CPNE8: variants seen among roughly 807,000 people sequenced by gnomAD.
CPNE8 encodes the protein copine 8, also known as copine-8.
A neutral mutation model predicts 81.5 loss-of-function variants in CPNE8; 45 were observed. That is an observed-to-expected ratio of 0.55 (90% CI 0.44 to 0.71). The LOEUF is 0.71. CPNE8 is among the 30% of genes least tolerant of loss of function. The pLI is 0.00. For missense variants in CPNE8, 594 were observed against 672.1 expected, an observed-to-expected ratio of 0.88 and a Z score of 1.28; for synonymous variants, 252 against 226.3, an observed-to-expected ratio of 1.11 and a Z score of -1.02.
chr12:38,800,013 C>G (rs955468597), intron 6 of CPNE8, among the ~76,000 whole-genome samples: 11 of 139,832 alleles, frequency 7.9e-5, no homozygotes, highest in Admixed American at 6.6e-4. Context: ...CCTACGCCCA[C>G]GGAATCTCGC....
At chr12:38,688,943 C>G (rs12579377) in intron 15 of CPNE8, among the ~76,000 whole-genome samples, 6,156 of 151,980 alleles carry the variant, frequency 0.041, 364 homozygotes, top group East Asian at 0.32. Context: ...ACCTGTTCCC[C>G]CAAAACTAGT....
chr12:38,685,793 G>T, intron 15 of CPNE8, 176 bp from the exon 16 acceptor site: 4 of 511,374 alleles, frequency 7.8e-6, no homozygotes, highest in Non-Finnish European at 1.4e-5. Flanking sequence ...ATCAACAATC[G>T]ATTATGATAT....
Position 38,765,076 on chromosome 12 carries a change from T to A in CPNE8, c.575+2559A>T, listed in dbSNP as rs140810754. On this transcript the variant is annotated intron_variant, in intron 8 of 19. Coordinates refer to ENST00000331366, the MANE Select transcript of CPNE8 (RefSeq NM_153634.3). ...AACATTTCCTCTGAGGGAAGGCATG[T>A]CCTTCTTACTGAGATATTTATGAGG... Among the ~76,000 whole-genome samples, 567 of 152,308 alleles carry A rather than the reference T, an allele frequency of 3.7e-3. 5 individuals are homozygous for A. In the East Asian group the frequency reaches 0.049, roughly 13 times the overall value.
At chr12:38,783,439 G>A (rs1007668506) in intron 6 of CPNE8, among the ~76,000 whole-genome samples, 2 of 152,098 alleles carry the variant, frequency 1.3e-5, no homozygotes, top group African/African-American at 4.8e-5. Context: ...GCTACACTGT[G>A]GTGCTGAGAA....
intron 4 of CPNE8, among the ~76,000 whole-genome samples, chr12:38,842,737 C>G (rs1943493909): frequency 6.6e-6 from 1 of 151,790 alleles, no homozygotes; most frequent in Non-Finnish European, 1.5e-5. Flanking sequence ...GCCATCACAC[C>G]TGGCTAATTT....
intron 6 of CPNE8, among the ~76,000 whole-genome samples, chr12:38,799,141 G>T (rs140963239): frequency 2.6e-5 from 4 of 152,178 alleles, no homozygotes; most frequent in African/African-American, 9.6e-5. Flanking sequence ...ACAGATCAAC[G>T]AGACAGAAAG....
intron 6 of CPNE8, among the ~76,000 whole-genome samples, chr12:38,778,169 G>A (rs537865581): frequency 2.2e-4 from 34 of 152,100 alleles, no homozygotes; most frequent in East Asian, 3.9e-4. Flanking sequence ...GAATCATCCC[G>A]AAACTACCCC....
intron 5 of CPNE8, among the ~76,000 whole-genome samples, chr12:38,835,812 C>A (rs559043586): frequency 2.6e-5 from 4 of 152,134 alleles, no homozygotes; most frequent in African/African-American, 9.6e-5. Context: ...AAAATATACA[C>A]CTTCACTGAA....
chr12:38,659,002 A>C (rs1453181323), intron 19 of CPNE8, among the ~76,000 whole-genome samples: 1 of 152,204 alleles, frequency 6.6e-6, no homozygotes, highest in African/African-American at 2.4e-5. Context: ...TAATGGGCAA[A>C]ATAACCAGCT....
chr12:38,799,511 A>C (rs1758501595), intron 6 of CPNE8, among the ~76,000 whole-genome samples: 1 of 152,230 alleles, frequency 6.6e-6, no homozygotes, highest in Admixed American at 6.5e-5. Context: ...GAACAAAGAC[A>C]CAACATACCA....
At chr12:38,721,580 GAGA>G (rs1342381150) in intron 13 of CPNE8, among the ~76,000 whole-genome samples, 2 of 152,182 alleles carry the variant, frequency 1.3e-5, no homozygotes, top group Admixed American at 6.5e-5. Context: ...CTGGCTATAG[GAGA>G]AGAACTTGGG....
chr12:38,792,783 G>C (rs1942355972), intron 6 of CPNE8, among the ~76,000 whole-genome samples: 1 of 151,672 alleles, frequency 6.6e-6, no homozygotes, highest in African/African-American at 2.4e-5. Flanking sequence ...ATACAAAGAA[G>C]AGAACGTTAT....
intron 10 of CPNE8, among the ~76,000 whole-genome samples, chr12:38,739,513 T>G (rs577392262): frequency 6.6e-6 from 1 of 152,254 alleles, no homozygotes; most frequent in South Asian, 2.1e-4. Context: ...TATAAAAATC[T>G]TTGAATATTC....
At chr12:38,834,884 T>TA (rs1943355215) in intron 5 of CPNE8, among the ~76,000 whole-genome samples, 1 of 151,910 alleles carries the variant, frequency 6.6e-6, no homozygotes, top group Non-Finnish European at 1.5e-5. Context: ...TCCAAACTTT[T>TA]TTTTTTTTTT....
In CPNE8 at chr12:38,657,729, C is replaced by T. The variant is rs568614862; in HGVS notation, c.1507-3659G>A. 2.6e-5 allele frequency among the ~76,000 whole-genome samples: 4 copies of T among 152,316 alleles called. No homozygotes were observed. The South Asian group carries it at 8.3e-4, about 32-fold the overall frequency. ...CAGTTCTGCAATATTTGCTGTTCTGCAGCCTCCACTGGTGATACCCAGGAA... is the reference window on the plus strand; with the variant it reads ...CAGTTCTGCAATATTTGCTGTTCTGTAGCCTCCACTGGTGATACCCAGGAA... On this transcript the variant is annotated intron_variant, in intron 19 of 19. Transcript: ENST00000331366.
intron 10 of CPNE8, among the ~76,000 whole-genome samples, chr12:38,746,348 C>T (rs1051924628): frequency 1.3e-5 from 2 of 152,188 alleles, no homozygotes; most frequent in East Asian, 3.9e-4. Context: ...CAGGCTTTCA[C>T]TTCTTTTCTT....
intron 3 of CPNE8, among the ~76,000 whole-genome samples, chr12:38,861,799 G>A (rs1275763951): frequency 2.0e-5 from 3 of 152,020 alleles, no homozygotes; most frequent in African/African-American, 7.2e-5. Flanking sequence ...CTTTTCTAAG[G>A]AATCTACTAA....
chr12:38,898,130 G>T (rs1192340025), intron 1 of CPNE8, among the ~76,000 whole-genome samples: 1 of 151,980 alleles, frequency 6.6e-6, no homozygotes, highest in Non-Finnish European at 1.5e-5. Context: ...ACAAATAACA[G>T]ACCTAAAGGA....
chr12:38,679,588 T>G (rs1237443079), intron 16 of CPNE8: 1 of 984,974 alleles, frequency 1.0e-6, no homozygotes, highest in Non-Finnish European at 1.2e-6. Context: ...ATTTTACTTT[T>G]AAGTTCTGTC....
Sources: gnomAD v4.1 joint callset for allele counts (sites outside exome capture counted in the v4.1 genomes callset) on GRCh38, gnomAD v4.1.1 for gene constraint, MANE v1.5 for transcripts, NCBI Gene and HGNC (gene_info 2026-07-23, HGNC 2026-07-21) for gene names.